The following LIN28B variants were observed in gnomAD, a reference collection of about 807,000 sequenced individuals.
LIN28B encodes protein lin-28 homolog B.
A neutral mutation model predicts 21.9 loss-of-function variants in LIN28B; 5 were observed. The observed-to-expected ratio is 0.23, with a 90% CI of 0.12 to 0.48. LIN28B has a LOEUF of 0.48. LIN28B is among the 20% of genes least tolerant of loss of function. The probability of loss-of-function intolerance (pLI) is 0.98; values close to 1 mark genes in which losing one functional copy is unlikely to be tolerated. For missense variants in LIN28B, 245 were observed against 310.5 expected (o/e 0.79, Z 1.58); for synonymous variants, 109 against 111.3 (o/e 0.98, Z 0.13).
At chr6:105,060,022 G>A (rs766137178) in intron 3 of LIN28B, among the ~76,000 whole-genome samples, 4 of 151,682 alleles carry the variant, frequency 2.6e-5, no homozygotes, top group Non-Finnish European at 4.4e-5. Context: ...TCCTGCCTCA[G>A]CCTCCCGAGT....
intron 2 of LIN28B, among the ~76,000 whole-genome samples, chr6:105,018,343 C>T (rs1175100550): frequency 6.6e-6 from 1 of 152,084 alleles, no homozygotes; most frequent in Non-Finnish European, 1.5e-5. Flanking sequence ...TTTACAACCT[C>T]ATTTTTGGTC....
chr6:105,001,711 T>C (rs1770724513), intron 2 of LIN28B, among the ~76,000 whole-genome samples: 1 of 152,140 alleles, frequency 6.6e-6, no homozygotes, highest in African/African-American at 2.4e-5. Flanking sequence ...AATGTGCTAA[T>C]GAAAATATCA....
intron 2 of LIN28B, among the ~76,000 whole-genome samples, chr6:104,991,140 G>A (rs1442913890): frequency 2.5e-4 from 8 of 31,390 alleles, no homozygotes; most frequent in African/African-American, 4.1e-4. Context: ...GGGCGGCCGG[G>A]CAGAGGCGCC....
chr6:105,013,779 T>C (rs751101718), intron 2 of LIN28B, among the ~76,000 whole-genome samples: 9 of 152,074 alleles, frequency 5.9e-5, no homozygotes, highest in Non-Finnish European at 8.8e-5. Flanking sequence ...ATTATACAAC[T>C]TAATCTGATC....
intron 2 of LIN28B, among the ~76,000 whole-genome samples, chr6:104,960,374 C>T (rs924153342): frequency 2.0e-5 from 3 of 152,030 alleles, no homozygotes; most frequent in Non-Finnish European, 4.4e-5. Flanking sequence ...CAATTCAAGA[C>T]GATTTCATAG....
chr6:104,963,973 T>G (rs2114578380), intron 2 of LIN28B, among the ~76,000 whole-genome samples: 1 of 152,326 alleles, frequency 6.6e-6, no homozygotes, highest in South Asian at 2.1e-4. Context: ...CATGAGAAAT[T>G]AAAAGCTTAT....
At chr6:104,967,672 T>C (rs1769891437) in intron 2 of LIN28B, among the ~76,000 whole-genome samples, 1 of 146,530 alleles carries the variant, frequency 6.8e-6, no homozygotes, top group Admixed American at 6.8e-5. Context: ...TTTTATTTAA[T>C]TAATTATTAT....
intron 2 of LIN28B, among the ~76,000 whole-genome samples, chr6:105,000,399 T>TGTCTATATTTTCTA (rs1399402229): frequency 2.0e-5 from 3 of 152,194 alleles, no homozygotes; most frequent in Non-Finnish European, 4.4e-5. Context: ...CTGTTTTTCT[T>TGTCTATATTTTCTA]GTCTATATTT....
At chr6:105,065,325 C>G (rs747277336) in intron 3 of LIN28B, among the ~76,000 whole-genome samples, 1 of 151,634 alleles carries the variant, frequency 6.6e-6, no homozygotes, top group Non-Finnish European at 1.5e-5. Context: ...TTATCTTGAG[C>G]TCTAATTTTT....
At chr6:105,019,814 C>G (rs1382874369) in intron 2 of LIN28B, among the ~76,000 whole-genome samples, 4 of 152,128 alleles carry the variant, frequency 2.6e-5, no homozygotes, top group Non-Finnish European at 4.4e-5. Context: ...TTTCTTTTTA[C>G]TAGTTTGTCA....
chr6:105,023,764 C>T (rs182401417), intron 2 of LIN28B, among the ~76,000 whole-genome samples: 5 of 141,532 alleles, frequency 3.5e-5, no homozygotes, highest in African/African-American at 1.3e-4. Context: ...ATATCATGAA[C>T]AACAGCTAGA....
chr6:105,041,360 A>G (rs1307290184), intron 3 of LIN28B, among the ~76,000 whole-genome samples: 1 of 151,918 alleles, frequency 6.6e-6, no homozygotes, highest in Non-Finnish European at 1.5e-5. Context: ...CACTTGTATA[A>G]TGTCTTCTTT....
At chr6:105,057,874 T>A (rs934540525) in intron 3 of LIN28B, among the ~76,000 whole-genome samples, 5 of 152,100 alleles carry the variant, frequency 3.3e-5, no homozygotes, top group Non-Finnish European at 5.9e-5. Context: ...ATTGACCTAG[T>A]AGTGTTAAGA....
chr6:104,964,705 A>T (rs139305920), intron 2 of LIN28B, among the ~76,000 whole-genome samples: 86 of 152,338 alleles, frequency 5.6e-4, no homozygotes, highest in African/African-American at 2.0e-3. Flanking sequence ...AGTGGGGTAC[A>T]TTTAAAAATG....
chr6:105,029,285 A>G (rs1306549947), intron 3 of LIN28B, among the ~76,000 whole-genome samples: 1 of 152,242 alleles, frequency 6.6e-6, no homozygotes. Flanking sequence ...TTATATGTTC[A>G]TAGGAATGGT....
intron 2 of LIN28B, among the ~76,000 whole-genome samples, chr6:104,971,432 T>A (rs1258041328): frequency 6.6e-6 from 1 of 152,194 alleles, no homozygotes; most frequent in East Asian, 1.9e-4. Context: ...TTAACTAGAT[T>A]TATAAATACA....
chr6:104,964,800 T>G (rs1769823098), intron 2 of LIN28B, among the ~76,000 whole-genome samples: 1 of 152,208 alleles, frequency 6.6e-6, no homozygotes, highest in Admixed American at 6.5e-5. Context: ...ATCATTTATC[T>G]CAAATTGGAG....
chr6:105,055,205 CTG>C (rs566050915), intron 3 of LIN28B, among the ~76,000 whole-genome samples: 96 of 152,186 alleles, frequency 6.3e-4, no homozygotes, highest in African/African-American at 2.2e-3. Context: ...TTTCATAAAA[CTG>C]GGGAAATTTT....
intron 2 of LIN28B, among the ~76,000 whole-genome samples, chr6:104,987,796 G>A (rs1770377548): frequency 6.6e-6 from 1 of 152,042 alleles, no homozygotes; most frequent in Non-Finnish European, 1.5e-5. Flanking sequence ...CCAGGGTGGA[G>A]TGCAATGGTG....
Sources: gnomAD v4.1 joint callset for allele counts (sites outside exome capture counted in the v4.1 genomes callset) on GRCh38, gnomAD v4.1.1 for gene constraint, MANE v1.5 for transcripts, NCBI Gene and HGNC (gene_info 2026-07-23, HGNC 2026-07-21) for gene names.